Variants in THSD4 observed in about 807,000 individuals in gnomAD.
THSD4 encodes thrombospondin type-1 domain-containing protein 4.
Under a neutral mutation model 119.0 loss-of-function variants are expected in THSD4, and 69 were observed. The ratio of observed to expected loss-of-function variants is 0.58; its 90% CI spans 0.48 to 0.71. The LOEUF is 0.71. THSD4 is among the 30% of genes least tolerant of loss of function. The pLI is 0.00. For synonymous variants in THSD4, 524 were observed against 540.4 expected (o/e 0.97, Z 0.42); for missense variants, 1,393 against 1,391.1 (o/e 1.00, Z -0.02).
intron 6 of THSD4, among the ~76,000 whole-genome samples, chr15:71,300,411 G>A (rs1046202303): frequency 1.3e-5 from 2 of 152,122 alleles, no homozygotes; most frequent in Admixed American, 6.6e-5. Context: ...TTCTGGTTAG[G>A]TTTTCTTAAC....
chr15:71,114,260 C>T (rs983848599), upstream of THSD4, among the ~76,000 whole-genome samples: 2 of 151,672 alleles, frequency 1.3e-5, no homozygotes, highest in Non-Finnish European at 2.9e-5. Context: ...TCCCTGGGAG[C>T]TCCCTTCTGC....
At chr15:71,527,806 A>G (rs1389893405) in intron 7 of THSD4, among the ~76,000 whole-genome samples, 2 of 137,814 alleles carry the variant, frequency 1.5e-5, no homozygotes, top group Non-Finnish European at 3.0e-5. Context: ...TTAGCCTCCC[A>G]GGTTCAAGTG....
chr15:71,274,624 T>G (rs531935869), intron 6 of THSD4, among the ~76,000 whole-genome samples: 1 of 152,244 alleles, frequency 6.6e-6, no homozygotes, highest in South Asian at 2.1e-4. Flanking sequence ...ACAGGCCTCC[T>G]TCTCACACCC....
intron 10 of THSD4, among the ~76,000 whole-genome samples, chr15:71,735,232 T>C (rs2141143317): frequency 6.6e-6 from 1 of 152,222 alleles, no homozygotes; most frequent in Non-Finnish European, 1.5e-5. Flanking sequence ...AGCAGCCTCA[T>C]GGGGCCTTCA....
At chr15:71,720,043 T>TTC (rs1567117722) in intron 8 of THSD4, among the ~76,000 whole-genome samples, 2 of 146,506 alleles carry the variant, frequency 1.4e-5, no homozygotes, top group African/African-American at 5.1e-5. Flanking sequence ...TTTCTTTTTT[T>TTC]TTTTTTTTTG....
chr15:71,507,418 T>TGCACTATTTTTAGG (rs55666201), intron 7 of THSD4, among the ~76,000 whole-genome samples: 147,235 of 152,042 alleles, frequency 0.97, 71,457 homozygotes, highest in East Asian at 1. Flanking sequence ...TCTCATAAAC[T>TGCACTATTTTTAGG]GCACTATTTT....
chr15:71,551,228 C>T (rs1174562764), intron 7 of THSD4, among the ~76,000 whole-genome samples: 1 of 152,124 alleles, frequency 6.6e-6, no homozygotes, highest in South Asian at 2.1e-4. Flanking sequence ...AATGTGTTAT[C>T]GACTATAATC....
At chr15:71,160,024 A>G (rs1039719077) in intron 3 of THSD4, among the ~76,000 whole-genome samples, 1 of 152,116 alleles carries the variant, frequency 6.6e-6, no homozygotes, top group Admixed American at 6.5e-5. Flanking sequence ...AGTTATTATC[A>G]TGAAGGAATG....
At chr15:71,341,513 A>T in intron 6 of THSD4, 10 of 1,612,204 alleles carry the variant, frequency 6.2e-6, no homozygotes, top group Non-Finnish European at 8.5e-6. Flanking sequence ...ACACCTGCCA[A>T]CTCCACCGTT....
chr15:71,210,716 TTC>T lies in THSD4; in HGVS notation c.100-4315_100-4314del, dbSNP rs542468611. On this transcript the variant is annotated intron_variant, in intron 3 of 17. Coordinates refer to ENST00000261862, the MANE Select transcript of THSD4 (RefSeq NM_024817.3). ...AGAGTGATATCAACAAATAGGTTTA[TTC>T]TCTTACACTGTCCTATAGTTTTGTT... Among the ~76,000 whole-genome samples the T allele has an allele frequency of 1.2e-4, 18 of 152,340 alleles. No homozygotes were observed. The East Asian group carries it at 3.3e-3, about 28-fold the overall frequency.
rs9744810 is a variant in THSD4, at chr15:71,442,600, A to T, written c.1152+30777A>T. 3.7e-3 allele frequency among the ~76,000 whole-genome samples: 167 copies of T among 44,838 alleles called. 37 individuals are homozygous for T. Among genetic ancestry groups the T allele is most frequent in the African/African-American group, 0.011 (161 of 14,460 alleles). The allele number at this position is 44,838 out of a possible 152,430, so 29.4% of individuals were successfully genotyped here. ...AAAAAATATATATATATATATATATATGTGTGTGTGTGTGTGTGTATATAT... is the reference window on the plus strand; with the variant it reads ...AAAAAATATATATATATATATATATTTGTGTGTGTGTGTGTGTGTATATAT... On this transcript the variant is annotated intron_variant, in intron 7 of 17. Transcript: ENST00000261862.
chr15:71,207,589 T>C (rs760634329), intron 3 of THSD4, among the ~76,000 whole-genome samples: 1 of 152,196 alleles, frequency 6.6e-6, no homozygotes, highest in Non-Finnish European at 1.5e-5. Context: ...GGCCGCAGCC[T>C]GTTAGGAACC....
At chr15:71,676,172 T>A in intron 8 of THSD4, among the ~76,000 whole-genome samples, 1 of 152,254 alleles carries the variant, frequency 6.6e-6, no homozygotes, top group Admixed American at 6.5e-5. Context: ...GTGTGTTTTT[T>A]CTTTTTTTAT....
At chr15:71,272,321 C>G (rs952509554) in intron 6 of THSD4, among the ~76,000 whole-genome samples, 12 of 144,146 alleles carry the variant, frequency 8.3e-5, no homozygotes, top group African/African-American at 2.6e-4. Flanking sequence ...TTGCTTGAAC[C>G]CAGGAGGTGG....
intron 6 of THSD4, among the ~76,000 whole-genome samples, chr15:71,336,795 A>G (rs1166269001): frequency 1.3e-5 from 2 of 152,234 alleles, no homozygotes; most frequent in African/African-American, 4.8e-5. Context: ...TTCTGTAAGA[A>G]GTAGGAGAGA....
chr15:71,341,112 C>T (rs771747778), intron 6 of THSD4: 8 of 1,281,832 alleles, frequency 6.2e-6, no homozygotes, highest in Non-Finnish European at 8.9e-6. Context: ...TTCCCTCTCT[C>T]TCCCTTTTTT....
intron 3 of THSD4, 57 bp downstream of exon 3, chr15:71,154,989 G>A (rs1036982543): frequency 6.4e-7 from 1 of 1,552,208 alleles, no homozygotes; most frequent in East Asian, 2.2e-5. Flanking sequence ...GGGCCACTGT[G>A]GTCACTGCCC....
chr15:71,485,997 A>G (rs554545042), intron 7 of THSD4, among the ~76,000 whole-genome samples: 3 of 152,268 alleles, frequency 2.0e-5, no homozygotes, highest in African/African-American at 7.2e-5. Context: ...TTAGAAAATA[A>G]ATGCTGAACA....
intron 7 of THSD4, among the ~76,000 whole-genome samples, chr15:71,475,896 C>G (rs1041030924): frequency 6.6e-6 from 1 of 152,084 alleles, no homozygotes; most frequent in Non-Finnish European, 1.5e-5. Context: ...CACTGCAACT[C>G]TAGCCTGGGT....
Sources: gnomAD v4.1 joint callset for allele counts (sites outside exome capture counted in the v4.1 genomes callset) on GRCh38, gnomAD v4.1.1 for gene constraint, MANE v1.5 for transcripts, NCBI Gene and HGNC (gene_info 2026-07-23, HGNC 2026-07-21) for gene names.